SORCS1: variants seen among roughly 807,000 people sequenced by gnomAD.
The protein encoded by SORCS1 is VPS10 domain-containing receptor SorCS1.
A neutral mutation model predicts 146.1 loss-of-function variants in SORCS1; 60 were observed. The observed-to-expected ratio is 0.41, with a 90% confidence interval of 0.33 to 0.51. The LOEUF is 0.51. Ranked by LOEUF, SORCS1 falls within the 20% of genes least tolerant of loss-of-function variation. The probability of loss-of-function intolerance (pLI) is 0.21; values close to 1 mark genes in which losing one functional copy is unlikely to be tolerated. For missense variants in SORCS1, 1,352 were observed against 1,487.6 expected, an observed-to-expected ratio of 0.91 and a Z score of 1.50; for synonymous variants, 637 against 584.0, an observed-to-expected ratio of 1.09 and a Z score of -1.31.
At chr10:106,658,360 C>G (rs1850464235) in intron 17 of SORCS1, among the ~76,000 whole-genome samples, 1 of 151,928 alleles carries the variant, frequency 6.6e-6, no homozygotes, top group Non-Finnish European at 1.5e-5. Context: ...TGTGAAACCT[C>G]CTCTTCCCTT....
At chr10:106,900,062 C>G (rs1951644366) in intron 2 of SORCS1, among the ~76,000 whole-genome samples, 1 of 152,076 alleles carries the variant, frequency 6.6e-6, no homozygotes, top group South Asian at 2.1e-4. Context: ...CAAGGGACAT[C>G]TCCCTTGGGA....
chr10:107,118,817 T>A lies in SORCS1; in HGVS notation c.558+45152A>T, dbSNP rs538491877. 2.0e-5 allele frequency among the ~76,000 whole-genome samples: 3 copies of A among 152,340 alleles called. No homozygotes were observed. The South Asian group carries it at 6.2e-4, about 32-fold the overall frequency. On this transcript the variant is annotated intron_variant, in intron 1 of 25. Transcript: ENST00000263054. ...TATTTCTGGGTACCATAAAATAACA[T>A]ATAACTATGTCTGAGCAATGGATAC...
intron 1 of SORCS1, among the ~76,000 whole-genome samples, chr10:107,125,187 A>G (rs896903710): frequency 6.6e-6 from 1 of 152,054 alleles, no homozygotes; most frequent in African/African-American, 2.4e-5. Flanking sequence ...TCCTGATCTC[A>G]TAATCTGCAC....
At chr10:107,021,509 G>A (rs112543014) in intron 1 of SORCS1, among the ~76,000 whole-genome samples, 33,707 of 92,074 alleles carry the variant, frequency 0.37, 5,568 homozygotes, top group Admixed American at 0.5. Context: ...GCGACACTCC[G>A]TCTCAAAAAA....
chr10:106,894,080 TC>T (rs1951350666), intron 2 of SORCS1, among the ~76,000 whole-genome samples: 1 of 152,182 alleles, frequency 6.6e-6, no homozygotes, highest in Non-Finnish European at 1.5e-5. Flanking sequence ...TCCTTTTCTC[TC>T]CCAGAGGGGT....
chr10:106,830,174 T>G (rs1444416618), intron 2 of SORCS1, among the ~76,000 whole-genome samples: 1 of 152,182 alleles, frequency 6.6e-6, no homozygotes, highest in East Asian at 1.9e-4. Context: ...GTCTCAATAA[T>G]CAGTGAGATT....
intron 23 of SORCS1, among the ~76,000 whole-genome samples, chr10:106,605,101 C>CAG (rs1290042812): frequency 2.6e-5 from 4 of 152,232 alleles, no homozygotes. Context: ...GTCACACAGC[C>CAG]TTCAAGCAAG....
intron 1 of SORCS1, among the ~76,000 whole-genome samples, chr10:107,103,117 T>G (rs1033051827): frequency 3.3e-5 from 5 of 152,208 alleles, no homozygotes; most frequent in Non-Finnish European, 7.3e-5. Flanking sequence ...GGTGTAATTT[T>G]TATAAATTTT....
At chr10:106,924,248 C>T (rs1952868953) in intron 2 of SORCS1, among the ~76,000 whole-genome samples, 1 of 117,072 alleles carries the variant, frequency 8.5e-6, no homozygotes, top group African/African-American at 2.8e-5. Flanking sequence ...GAGCAAAACT[C>T]CATCTCAAAA....
At chr10:107,085,176 A>AC (rs1412317525) in intron 1 of SORCS1, among the ~76,000 whole-genome samples, 2 of 152,236 alleles carry the variant, frequency 1.3e-5, no homozygotes, top group East Asian at 3.8e-4. Flanking sequence ...ATAGACAGAG[A>AC]TGTCACTAAA....
intron 20 of SORCS1, among the ~76,000 whole-genome samples, chr10:106,618,758 C>T (rs75558434): frequency 6.5e-4 from 99 of 152,256 alleles, no homozygotes; most frequent in African/African-American, 2.3e-3. Context: ...TACACCAAAA[C>T]CATACACTAG....
At chr10:106,947,029 T>C (rs1449371457) in intron 2 of SORCS1, among the ~76,000 whole-genome samples, 1 of 152,166 alleles carries the variant, frequency 6.6e-6, no homozygotes, top group African/African-American at 2.4e-5. Flanking sequence ...AGTGCCACAG[T>C]CCAATACACA....
chr10:106,850,762 C>T (rs1254455041), intron 2 of SORCS1, among the ~76,000 whole-genome samples: 1 of 152,170 alleles, frequency 6.6e-6, no homozygotes, highest in Non-Finnish European at 1.5e-5. Context: ...TTTTTGACAC[C>T]TTCATTTGGA....
chr10:106,893,203 T>C (rs1951306775), intron 2 of SORCS1, among the ~76,000 whole-genome samples: 1 of 152,086 alleles, frequency 6.6e-6, no homozygotes, highest in Non-Finnish European at 1.5e-5. Flanking sequence ...GTGGCCAGCC[T>C]TGAAAACTTT....
chr10:106,934,139 A>C (rs1953567324), intron 2 of SORCS1, among the ~76,000 whole-genome samples: 2 of 151,818 alleles, frequency 1.3e-5, no homozygotes, highest in Non-Finnish European at 1.5e-5. Context: ...TTCAAAAGTG[A>C]AAATATAATA....
At chr10:107,153,232 A>G (rs755930061) in intron 1 of SORCS1, among the ~76,000 whole-genome samples, 3 of 151,938 alleles carry the variant, frequency 2.0e-5, no homozygotes, top group Non-Finnish European at 4.4e-5. Context: ...AGTGCTCACA[A>G]TCAGTAAACA....
chr10:106,838,623 T>G (rs548646513), intron 2 of SORCS1, among the ~76,000 whole-genome samples: 1 of 152,330 alleles, frequency 6.6e-6, no homozygotes, highest in South Asian at 2.1e-4. Flanking sequence ...TACTAACCAC[T>G]GATCCATTTA....
chr10:107,173,966 G>A, the SORCS1 span, among the ~76,000 whole-genome samples: 1 of 152,124 alleles, frequency 6.6e-6, no homozygotes, highest in Non-Finnish European at 1.5e-5. Context: ...CATAAAACCT[G>A]ATATGAAGTC....
intron 3 of SORCS1, among the ~76,000 whole-genome samples, chr10:106,782,196 G>C (rs1372341589): frequency 6.6e-6 from 1 of 152,158 alleles, no homozygotes; most frequent in East Asian, 1.9e-4. Flanking sequence ...AGTTTATTCT[G>C]TCCTTTTGAT....
Sources: gnomAD v4.1 joint callset for allele counts (sites outside exome capture counted in the v4.1 genomes callset) on GRCh38, gnomAD v4.1.1 for gene constraint, MANE v1.5 for transcripts, NCBI Gene and HGNC (gene_info 2026-07-23, HGNC 2026-07-21) for gene names.